PGBD5: variants seen among roughly 807,000 people sequenced by gnomAD.
The protein encoded by PGBD5 is piggyBac transposable element-derived protein 5.
Under a neutral mutation model 47.9 loss-of-function variants are expected in PGBD5, and 14 were observed. The ratio of observed to expected loss-of-function variants is 0.29; its 90% CI spans 0.19 to 0.46. The LOEUF (loss-of-function observed/expected upper bound fraction) is 0.46, where lower values mean the gene tolerates loss of function less well. Ranked by LOEUF, PGBD5 falls within the 20% of genes least tolerant of loss-of-function variation. The pLI is 1.00. For synonymous variants in PGBD5, 316 were observed against 306.3 expected (o/e 1.03, Z -0.33); for missense variants, 635 against 716.0 (o/e 0.89, Z 1.29).
At chr1:230,384,796 T>TG (rs1656595103) in intron 1 of PGBD5, among the ~76,000 whole-genome samples, 1 of 152,172 alleles carries the variant, frequency 6.6e-6, no homozygotes, top group African/African-American at 2.4e-5. Flanking sequence ...CTTAATTAAA[T>TG]ATTAGTTCCC....
intron 3 of PGBD5, among the ~76,000 whole-genome samples, chr1:230,345,816 G>C (rs1667465775): frequency 6.6e-6 from 1 of 152,226 alleles, no homozygotes; most frequent in Admixed American, 6.5e-5. Flanking sequence ...CCCAGCTGCA[G>C]GCTAATGTAA....
intron 1 of PGBD5, among the ~76,000 whole-genome samples, chr1:230,400,384 C>T (rs1249077684): frequency 6.6e-6 from 1 of 151,906 alleles, no homozygotes; most frequent in African/African-American, 2.4e-5. Flanking sequence ...TTTCCTTCTA[C>T]AACATTTCCT....
chr1:230,358,753 TAC>T (rs1469163735), intron 1 of PGBD5, among the ~76,000 whole-genome samples: 4 of 152,246 alleles, frequency 2.6e-5, no homozygotes, highest in African/African-American at 9.6e-5. Context: ...CTGTATTCAG[TAC>T]AGTCACATGC....
At chr1:230,378,942 G>C (rs1668053687) in intron 1 of PGBD5, among the ~76,000 whole-genome samples, 1 of 152,130 alleles carries the variant, frequency 6.6e-6, no homozygotes, top group African/African-American at 2.4e-5. Flanking sequence ...AAGGTGAAAG[G>C]AGCTGATGGC....
chr1:230,339,896 G>A (rs1667384877), intron 3 of PGBD5, among the ~76,000 whole-genome samples: 1 of 152,182 alleles, frequency 6.6e-6, no homozygotes, highest in Non-Finnish European at 1.5e-5. Flanking sequence ...TGTTAGATAG[G>A]AGGAATAAGT....
chr1:230,403,305 C>T (rs550272366), intron 1 of PGBD5, among the ~76,000 whole-genome samples: 1 of 152,348 alleles, frequency 6.6e-6, no homozygotes, highest in Non-Finnish European at 1.5e-5. Flanking sequence ...GAGTGCTGCC[C>T]TGTCAATGTT....
chr1:230,330,454 T>C (rs1259746887), intron 5 of PGBD5, among the ~76,000 whole-genome samples: 1 of 152,206 alleles, frequency 6.6e-6, no homozygotes, highest in Non-Finnish European at 1.5e-5. Context: ...AAGTGGATCA[T>C]TGATAAGGGC....
At chr1:230,331,281 C>T (rs369588271) in intron 5 of PGBD5, among the ~76,000 whole-genome samples, 3 of 151,864 alleles carry the variant, frequency 2.0e-5, no homozygotes, top group African/African-American at 4.8e-5. Context: ...CCGGGCGCAG[C>T]GGTATGCACC....
intron 1 of PGBD5, among the ~76,000 whole-genome samples, chr1:230,371,367 G>A (rs537744891): frequency 9.2e-5 from 14 of 152,244 alleles, no homozygotes; most frequent in East Asian, 7.7e-4. Context: ...CCAGGCCATC[G>A]AGCCAGTTCC....
At chr1:230,328,021 G>A (rs528040181) in intron 5 of PGBD5, among the ~76,000 whole-genome samples, 2 of 152,284 alleles carry the variant, frequency 1.3e-5, no homozygotes, top group African/African-American at 4.8e-5. Context: ...ATAAAGAAAT[G>A]CAAATCCCCT....
intron 1 of PGBD5, among the ~76,000 whole-genome samples, chr1:230,396,813 C>G (rs750389917): frequency 3.3e-5 from 5 of 152,112 alleles, no homozygotes; most frequent in Non-Finnish European, 7.4e-5. Flanking sequence ...GAAGCATACA[C>G]TGGCGGAGAG....
intron 3 of PGBD5, among the ~76,000 whole-genome samples, chr1:230,344,040 C>CT (rs1161050695): frequency 6.6e-6 from 1 of 152,150 alleles, no homozygotes; most frequent in East Asian, 1.9e-4. Flanking sequence ...AATCCCAGCA[C>CT]TTTGAGAGGC....
At position 230,357,496 on chromosome 1, in the gene PGBD5, G is replaced by A. The variant is rs929683134; in HGVS notation, c.332-175C>T. Among the ~76,000 whole-genome samples the A allele has an allele frequency of 6.6e-6, 1 of 152,162 alleles. No homozygotes were observed. The highest frequency in any genetic ancestry group is 1.5e-5 in the Non-Finnish European group (1 of 68,036). ...GCTGCTGCAACCACCTGACAGTGCC[G>A]GCTCCCATAGCTTTTGTACGCCCCT... On this transcript the variant is annotated intron_variant, in intron 1 of 6. Coordinates refer to ENST00000391860, the MANE Select transcript of PGBD5 (RefSeq NM_001258311.2). This position sits in a 1 kb window ranked among gnomAD's most constrained non-coding sequence, Gnocchi z 5.7.
chr1:230,393,100 G>A (rs1214919389), intron 1 of PGBD5, among the ~76,000 whole-genome samples: 2 of 147,742 alleles, frequency 1.4e-5, no homozygotes, highest in East Asian at 2.0e-4. Flanking sequence ...AGGAGGAAAG[G>A]GGAAAAAGAA....
At chr1:230,424,563 C>A (rs1389215780) in intron 1 of PGBD5, among the ~76,000 whole-genome samples, 1 of 152,228 alleles carries the variant, frequency 6.6e-6, no homozygotes, top group African/African-American at 2.4e-5. Context: ...GGCCTGCCTT[C>A]CCATGTGCCG....
At chr1:230,365,921 T>C (rs1667823067) in intron 1 of PGBD5, among the ~76,000 whole-genome samples, 1 of 152,268 alleles carries the variant, frequency 6.6e-6, no homozygotes, top group Non-Finnish European at 1.5e-5. Context: ...CAGCCAGATC[T>C]GGGACTCAAT....
rs751731142 is a variant in PGBD5 at position 230,337,124 on chromosome 1, T to C, written c.1059A>G (p.Glu353=). 1.9e-6 allele frequency: 3 copies of C among 1,614,112 alleles called. No individual in the cohort carries two copies. The highest frequency in any genetic ancestry group is 2.5e-6 in the Non-Finnish European group (3 of 1,180,006). ...GPSITSLTLF[E]EFEKQGIYCC... is the part of the protein sequence containing the mutation. ...TTGACTAACCTTGCTTCTCAAACTCTTCAAACAGCGTCAGGCTGGTGATGC... is the reference window on the plus strand; with the variant it reads ...TTGACTAACCTTGCTTCTCAAACTCCTCAAACAGCGTCAGGCTGGTGATGC... Residue 353 remains glutamate, a synonymous_variant, in exon 4 of 7, where the codon GAA becomes GAG. Transcript: ENST00000391860.
At position 230,391,074 on chromosome 1, in the gene PGBD5, T is replaced by A. The variant is rs377303162; in HGVS notation, c.332-33753A>T. Among the ~76,000 whole-genome samples the A allele has an allele frequency of 1.6e-4, 24 of 151,142 alleles. 1 individual carries two copies. Among genetic ancestry groups the A allele is most frequent in the African/African-American group, 5.8e-4 (24 of 41,122 alleles). Reference sequence around the variant, plus strand: ...GTTTTTATCCACCTCCATTTCATAGTGACTAGTCATAGCGACTGAGCTCAG... The same window carrying A: ...GTTTTTATCCACCTCCATTTCATAGAGACTAGTCATAGCGACTGAGCTCAG... On this transcript the variant is annotated intron_variant, in intron 1 of 6. Transcript: ENST00000391860.
chr1:230,334,888 G>A lies in PGBD5; in HGVS notation c.1076-1847C>T, dbSNP rs1027399873. Among the ~76,000 whole-genome samples the A allele has an allele frequency of 3.3e-5, 5 of 151,970 alleles. 1 individual carries two copies. The South Asian group carries it at 6.2e-4, about 19-fold the overall frequency. On this transcript the variant is annotated intron_variant, in intron 4 of 6. Transcript: ENST00000391860. Reference sequence around the variant, plus strand: ...TCTTTTCCCATCCTCCTAATTCTCTGAGCCAAGAGGCATCCCCTCCTCAGA... The same window carrying A: ...TCTTTTCCCATCCTCCTAATTCTCTAAGCCAAGAGGCATCCCCTCCTCAGA...
Sources: gnomAD v4.1 joint callset for allele counts (sites outside exome capture counted in the v4.1 genomes callset) on GRCh38, gnomAD v4.1.1 for gene constraint, Gnocchi (gnomAD v3.1) non-coding constraint, MANE v1.5 for transcripts, NCBI Gene and HGNC (gene_info 2026-07-23, HGNC 2026-07-21) for gene names.